Variants in SIN3A observed in about 807,000 individuals in gnomAD.
SIN3A encodes the protein SIN3 transcription regulator family member A.
A neutral mutation model predicts 146.1 loss-of-function variants in SIN3A; 14 were observed. That is an observed-to-expected ratio of 0.10 (90% CI 0.06 to 0.15). SIN3A has a LOEUF of 0.15. Ranked by LOEUF, SIN3A falls within the 10% of genes least tolerant of loss-of-function variation. SIN3A has a pLI of 1.00. For missense variants in SIN3A, 1,028 were observed against 1,576.0 expected, an observed-to-expected ratio of 0.65 and a Z score of 5.89; for synonymous variants, 572 against 572.0, an observed-to-expected ratio of 1.00 and a Z score of 0.00.
rs529987249 is a variant in SIN3A at position 75,419,189 on chromosome 15, C to A, written c.366+3458G>T. On this transcript the variant is annotated intron_variant, in intron 3 of 20. Coordinates refer to ENST00000394947, the MANE Select transcript of SIN3A (RefSeq NM_001145358.2). ...TTGTTTGATGGTTAGTTTTTCTATACAAATATCATGACAATTTCTGTTGAA... is the reference window on the plus strand; with the variant it reads ...TTGTTTGATGGTTAGTTTTTCTATAAAAATATCATGACAATTTCTGTTGAA... 10 of 152,238 alleles carry A rather than the reference C, an allele frequency of 6.6e-5. No homozygotes were observed. In the East Asian group the frequency reaches 1.7e-3, roughly 26 times the overall value. The allele number at this position is 152,238 out of a possible 1,614,324, so 9.4% of individuals were successfully genotyped here. A position where few individuals can be genotyped will look rare whatever the true frequency, so the allele number is the denominator to read the frequency against.
chr15:75,394,790 T>C lies in SIN3A; in HGVS notation c.2167A>G (p.Lys723Glu), dbSNP rs764193971. 6.2e-7 allele frequency: 1 copy of C among 1,614,164 alleles called. No individual in the cohort carries two copies. The highest frequency in any genetic ancestry group is 8.5e-7 in the Non-Finnish European group (1 of 1,179,998). The change falls in exon 14 of 21, where the codon AAA (lysine) becomes GAA (glutamate). Residue 723 changes from lysine to glutamate, a missense_variant. Around this residue, in one of 9 missense-constraint regions of SIN3A, gnomAD observed 488 missense variants for 690.2 expected, o/e 0.71. Coordinates refer to ENST00000394947, the MANE Select transcript of SIN3A (RefSeq NM_001145358.2). Reference sequence around the variant, plus strand: ...TGGTCCAGAGACTTCAAGTAGTATTTCTCATTTTGTTCTCGCCATACTTTG... The same window carrying C: ...TGGTCCAGAGACTTCAAGTAGTATTCCTCATTTTGTTCTCGCCATACTTTG... The part of the protein sequence containing the change: ...FNKVWREQNE[K>E]YYLKSLDHQG...
intron 3 of SIN3A, chr15:75,421,580 T>C (rs1236821486): frequency 1.3e-5 from 2 of 152,194 alleles, no homozygotes; most frequent in African/African-American, 2.4e-5. Flanking sequence ...CTAAAGTAAG[T>C]ATCAGGGAAA....
At chr15:75,393,592 T>C (rs1369582350) in intron 14 of SIN3A, among the ~76,000 whole-genome samples, 1 of 152,090 alleles carries the variant, frequency 6.6e-6, no homozygotes, top group African/African-American at 2.4e-5. Flanking sequence ...CCAGGCTGGT[T>C]TCGAACTTCT....
At chr15:75,382,907 A>G (rs1024751364) in intron 17 of SIN3A, among the ~76,000 whole-genome samples, 5 of 152,102 alleles carry the variant, frequency 3.3e-5, no homozygotes, top group African/African-American at 1.2e-4. Flanking sequence ...ACATGGTGAA[A>G]CCCTGTCTCT....
At chr15:75,443,906 A>G (rs2074260224) in intron 1 of SIN3A, among the ~76,000 whole-genome samples, 1 of 152,218 alleles carries the variant, frequency 6.6e-6, no homozygotes, top group Non-Finnish European at 1.5e-5. Flanking sequence ...GCGAGGCCCC[A>G]TCTCTAAAAA....
At chr15:75,437,644 A>G (rs534381542) in intron 1 of SIN3A, among the ~76,000 whole-genome samples, 16 of 152,334 alleles carry the variant, frequency 1.1e-4, no homozygotes, top group Non-Finnish European at 1.0e-4. Flanking sequence ...GTGTAATTCT[A>G]GAATATAAAG....
intron 9 of SIN3A, among the ~76,000 whole-genome samples, chr15:75,404,370 T>A (rs2141467084): frequency 6.6e-6 from 1 of 152,240 alleles, no homozygotes; most frequent in East Asian, 1.9e-4. Flanking sequence ...AAATTTTGTT[T>A]CATCTATACT....
chr15:75,439,764 C>T (rs577241409), intron 1 of SIN3A, among the ~76,000 whole-genome samples: 1 of 152,266 alleles, frequency 6.6e-6, no homozygotes, highest in South Asian at 2.1e-4. Context: ...GCCTGGTCTC[C>T]TTTCGTCCCT....
rs114570282 is a variant in SIN3A at position 75,397,464 on chromosome 15, G to T, written c.1855-968C>A. ...ATTTAAAGGTGTGAGATCATTCCAA[G>T]CTCTCTTTTCCTCCTAGTGACTAGC... On this transcript the variant is annotated intron_variant, in intron 12 of 20. Transcript: ENST00000394947. 4.1e-3 allele frequency among the ~76,000 whole-genome samples: 617 copies of T among 152,264 alleles called. 5 individuals carry two copies. Among genetic ancestry groups the T allele is most frequent in the African/African-American group, 0.014 (598 of 41,548 alleles).
intron 20 of SIN3A, among the ~76,000 whole-genome samples, chr15:75,373,276 G>A (rs140524929): frequency 3.4e-4 from 52 of 152,320 alleles, no homozygotes; most frequent in African/African-American, 1.1e-3. Context: ...TACTCGAGAG[G>A]CTGAGACAAG....
chr15:75,379,831 C>T (rs1011390516), intron 19 of SIN3A, among the ~76,000 whole-genome samples: 2 of 152,202 alleles, frequency 1.3e-5, no homozygotes, highest in African/African-American at 4.8e-5. Context: ...TGCCTATACA[C>T]AGAGGGAACA....
At chr15:75,452,171 C>A (rs1440754072), upstream of SIN3A, among the ~76,000 whole-genome samples, 2 of 152,246 alleles carry the variant, frequency 1.3e-5, no homozygotes, top group Admixed American at 1.3e-4. Context: ...ACCGCACTGC[C>A]GGGCCAGGCC....
At chr15:75,449,926 C>T (rs1198182467) in intron 1 of SIN3A, among the ~76,000 whole-genome samples, 1 of 152,120 alleles carries the variant, frequency 6.6e-6, no homozygotes, top group East Asian at 1.9e-4. Flanking sequence ...ATTACAGGCG[C>T]TTGCCACCAC....
At position 75,448,416 on chromosome 15, in the gene SIN3A, C is replaced by T. The variant is rs4886445; in HGVS notation, c.-34+3007G>A. Among the ~76,000 whole-genome samples the T allele has an allele frequency of 8.4e-3, 1,274 of 151,330 alleles. 33 individuals carry two copies. The East Asian group carries it at 0.11, about 13-fold the overall frequency. On this transcript the variant is annotated intron_variant, in intron 1 of 20. Coordinates refer to ENST00000394947, the MANE Select transcript of SIN3A (RefSeq NM_001145358.2). ...GGCTGAGGCAGGACAATCGCTAGAA[C>T]CCGGGAGGCGGAAGTTGCAGTGAGC...
intron 15 of SIN3A, 58 bp from the exon 16 acceptor site, chr15:75,389,879 A>G: frequency 6.5e-7 from 1 of 1,544,770 alleles, no homozygotes; most frequent in Non-Finnish European, 8.9e-7. Context: ...CTAGGGATAG[A>G]GTACAGGGCA....
chr15:75,403,794 C>T (rs1252422728), intron 9 of SIN3A, among the ~76,000 whole-genome samples: 2 of 152,158 alleles, frequency 1.3e-5, no homozygotes, highest in Non-Finnish European at 2.9e-5. Context: ...GATCCACCCA[C>T]CTCGGCCTCT....
At position 75,434,024 on chromosome 15, in the gene SIN3A, G is replaced by A. The variant is rs114697445; in HGVS notation, c.-33-3616C>T. Among the ~76,000 whole-genome samples the A allele has an allele frequency of 2.7e-3, 405 of 152,326 alleles. 1 individual carries two copies. The highest frequency in any genetic ancestry group is 9.2e-3 in the African/African-American group (384 of 41,576). ...TAAACTGCCCAAGGTTGCACAGCTA[G>A]TAAGAGGCAAAGCTGTGATATAAAT... On this transcript the variant is annotated intron_variant, in intron 1 of 20. Coordinates refer to ENST00000394947, the MANE Select transcript of SIN3A (RefSeq NM_001145358.2).
intron 12 of SIN3A, among the ~76,000 whole-genome samples, chr15:75,399,795 C>T (rs1281886536): frequency 2.6e-5 from 4 of 152,194 alleles, no homozygotes; most frequent in Non-Finnish European, 5.9e-5. Flanking sequence ...ATTATTTAGT[C>T]ATCAATGGAC....
chr15:75,404,374 C>G (rs957528131), intron 9 of SIN3A, among the ~76,000 whole-genome samples: 2 of 152,188 alleles, frequency 1.3e-5, no homozygotes, highest in Non-Finnish European at 2.9e-5. Context: ...TTTGTTTCAT[C>G]TATACTTACT....
Sources: allele counts gnomAD v4.1 joint callset (sites outside exome capture counted in the v4.1 genomes callset), GRCh38; gene constraint gnomAD v4.1.1; regional missense constraint gnomAD v4.1.1; transcripts MANE v1.5; gene names NCBI Gene and HGNC (gene_info 2026-07-23, HGNC 2026-07-21).